Variants in ARHGAP12 observed in about 807,000 individuals in gnomAD.
The protein encoded by ARHGAP12 is Rho GTPase activating protein 12.
Under a neutral mutation model 108.6 loss-of-function variants are expected in ARHGAP12, and 64 were observed. That is an observed-to-expected ratio of 0.59 (90% CI 0.48 to 0.73). The LOEUF (loss-of-function observed/expected upper bound fraction) is 0.73, where lower values mean the gene tolerates loss of function less well. Ranked by LOEUF, ARHGAP12 falls within the 30% of genes least tolerant of loss-of-function variation. The pLI is 0.00. For missense variants in ARHGAP12, 940 were observed against 1,005.9 expected (o/e 0.93, Z 0.89); for synonymous variants, 312 against 337.2 (o/e 0.93, Z 0.82).
intron 1 of ARHGAP12, among the ~76,000 whole-genome samples, chr10:31,923,369 T>A (rs922996202): frequency 6.6e-6 from 1 of 152,168 alleles, no homozygotes; most frequent in Non-Finnish European, 1.5e-5. Context: ...GGTGAGGATG[T>A]AAAACTGAAC....
At chr10:31,849,094 G>A (rs1836575583) in intron 6 of ARHGAP12, among the ~76,000 whole-genome samples, 1 of 151,856 alleles carries the variant, frequency 6.6e-6, no homozygotes, top group Non-Finnish European at 1.5e-5. Flanking sequence ...CATCTGGAGT[G>A]AATACCATGT....
chr10:31,882,607 G>GT (rs1447272551), intron 3 of ARHGAP12, among the ~76,000 whole-genome samples: 1 of 151,920 alleles, frequency 6.6e-6, no homozygotes, highest in Non-Finnish European at 1.5e-5. Flanking sequence ...GAGGTCAGGA[G>GT]TTTGAGACCA....
intron 6 of ARHGAP12, among the ~76,000 whole-genome samples, chr10:31,847,354 G>A (rs1836501149): frequency 6.6e-6 from 1 of 152,080 alleles, no homozygotes. Context: ...AGCAGGTTGT[G>A]AACCCCAGCC....
intron 3 of ARHGAP12, among the ~76,000 whole-genome samples, chr10:31,907,971 T>G (rs973238705): frequency 6.6e-6 from 1 of 152,204 alleles, no homozygotes; most frequent in Non-Finnish European, 1.5e-5. Flanking sequence ...ATAAGAATAA[T>G]TATGAAAACC....
chr10:31,902,493 C>T (rs1451074314), intron 3 of ARHGAP12, among the ~76,000 whole-genome samples: 1 of 152,006 alleles, frequency 6.6e-6, no homozygotes, highest in Non-Finnish European at 1.5e-5. Flanking sequence ...CTGGGCAACA[C>T]AGTGAAACTC....
intron 4 of ARHGAP12, among the ~76,000 whole-genome samples, 175 bp downstream of exon 4, chr10:31,861,220 A>G (rs1212066264): frequency 6.6e-6 from 1 of 152,240 alleles, no homozygotes; most frequent in Non-Finnish European, 1.5e-5. Flanking sequence ...GTCAGAGATT[A>G]GGAAGTAGCT....
intron 9 of ARHGAP12, among the ~76,000 whole-genome samples, chr10:31,835,486 C>A (rs1363010283): frequency 6.6e-6 from 1 of 152,084 alleles, no homozygotes; most frequent in Non-Finnish European, 1.5e-5. Flanking sequence ...CAATATTATT[C>A]TATCCTAATA....
At chr10:31,808,054 AC>A (rs973870404) in intron 19 of ARHGAP12, among the ~76,000 whole-genome samples, 4 of 152,220 alleles carry the variant, frequency 2.6e-5, no homozygotes, top group Non-Finnish European at 4.4e-5. Flanking sequence ...GCATACTCTA[AC>A]AAACTTAAAA....
intron 6 of ARHGAP12, among the ~76,000 whole-genome samples, chr10:31,845,981 T>C (rs1229816703): frequency 6.6e-6 from 1 of 152,210 alleles, no homozygotes; most frequent in Non-Finnish European, 1.5e-5. Flanking sequence ...TACCGTCCTG[T>C]GGGCTACTTG....
intron 3 of ARHGAP12, among the ~76,000 whole-genome samples, chr10:31,889,618 C>CTTT (rs1564414245): frequency 2.9e-4 from 29 of 101,524 alleles, no homozygotes; most frequent in African/African-American, 1.0e-3. Context: ...TAATTTTTCT[C>CTTT]GTTTTTTTTT....
At chr10:31,851,872 G>T (rs577700356) in intron 6 of ARHGAP12, among the ~76,000 whole-genome samples, 10 of 152,154 alleles carry the variant, frequency 6.6e-5, no homozygotes, top group Admixed American at 6.5e-4. Flanking sequence ...ACTAATTACG[G>T]CTATTTTCTA....
chr10:31,854,318 A>G (rs975568594), intron 4 of ARHGAP12, 112 bp from the exon 5 acceptor site: 12 of 897,778 alleles, frequency 1.3e-5, no homozygotes, highest in Non-Finnish European at 1.8e-5. Flanking sequence ...TATCTTAAAT[A>G]TATCTGAATA....
At chr10:31,920,449 C>CAAAAAAAAAAAAAAAAAAAAAAAAAA (rs71027040) in intron 1 of ARHGAP12, among the ~76,000 whole-genome samples, 15 of 59,598 alleles carry the variant, frequency 2.5e-4, no homozygotes, top group African/African-American at 3.7e-4. Context: ...GACTCCGTCT[C>CAAAAAAAAAAAAAAAAAAAAAAAAAA]AAAAAAAAAA....
intron 11 of ARHGAP12, among the ~76,000 whole-genome samples, chr10:31,822,377 A>G (rs1178260004): frequency 6.6e-6 from 1 of 152,212 alleles, no homozygotes; most frequent in Non-Finnish European, 1.5e-5. Flanking sequence ...TTGATGGAAA[A>G]GGGAAGAAAA....
chr10:31,913,430 CTTTG>C (rs993733624), intron 1 of ARHGAP12: 11 of 168,268 alleles, frequency 6.5e-5, no homozygotes, highest in African/African-American at 2.6e-4. Context: ...AACGGGCCTC[CTTTG>C]TTTGGCCTTT....
intron 1 of ARHGAP12, among the ~76,000 whole-genome samples, chr10:31,927,797 G>T (rs574049193): frequency 6.6e-6 from 1 of 152,304 alleles, no homozygotes; most frequent in South Asian, 2.1e-4. Flanking sequence ...AACGAAGACC[G>T]TGTGGCCATT....
chr10:31,829,772 G>T (rs1424090774), intron 10 of ARHGAP12, among the ~76,000 whole-genome samples: 1 of 152,166 alleles, frequency 6.6e-6, no homozygotes, highest in East Asian at 1.9e-4. Flanking sequence ...CCGTTCACCG[G>T]CAGTTTTTCA....
intron 1 of ARHGAP12, among the ~76,000 whole-genome samples, chr10:31,924,613 C>G (rs942037832): frequency 6.6e-6 from 1 of 152,058 alleles, no homozygotes; most frequent in Admixed American, 6.6e-5. Flanking sequence ...ATGTACATTA[C>G]ACTTTAATAA....
chr10:31,822,905 C>G (rs1211477118), intron 11 of ARHGAP12, among the ~76,000 whole-genome samples: 1 of 151,752 alleles, frequency 6.6e-6, no homozygotes, highest in Non-Finnish European at 1.5e-5. Context: ...TGCTAAACAC[C>G]CTACCACGCA....
Sources: allele counts gnomAD v4.1 joint callset (sites outside exome capture counted in the v4.1 genomes callset), GRCh38; gene constraint gnomAD v4.1.1; transcripts MANE v1.5; gene names NCBI Gene and HGNC (gene_info 2026-07-23, HGNC 2026-07-21).